Variants in CHRNB3 observed in about 807,000 individuals in gnomAD.
CHRNB3 encodes cholinergic receptor nicotinic beta 3 subunit, also known as neuronal acetylcholine receptor subunit beta-3.
A neutral mutation model predicts 40.6 loss-of-function variants in CHRNB3; 37 were observed. The observed-to-expected ratio is 0.91, with a 90% confidence interval of 0.70 to 1.20. CHRNB3 has a LOEUF of 1.20. Among genes scored for constraint, CHRNB3 ranks in the 50% most tolerant of loss-of-function variants. The pLI is 0.00. For synonymous variants in CHRNB3, 207 were observed against 207.1 expected (o/e 1.00, Z 0.00); for missense variants, 505 against 551.2 (o/e 0.92, Z 0.84).
chr8:42,733,978 C>T (rs1816473096), intron 5 of CHRNB3, among the ~76,000 whole-genome samples: 1 of 150,456 alleles, frequency 6.6e-6, no homozygotes, highest in Admixed American at 6.6e-5. Flanking sequence ...ATCTGTTGGG[C>T]CAGGCACGGT....
intron 3 of CHRNB3, among the ~76,000 whole-genome samples, chr8:42,729,690 C>T (rs1170410378): frequency 2.0e-5 from 3 of 152,114 alleles, no homozygotes; most frequent in Non-Finnish European, 4.4e-5. Context: ...TCATGCTGGG[C>T]ATGCCCTTCT....
chr8:42,735,775 C>T (rs1463487159), intron 5 of CHRNB3, among the ~76,000 whole-genome samples: 2 of 152,052 alleles, frequency 1.3e-5, no homozygotes, highest in African/African-American at 2.4e-5. Flanking sequence ...TTGTCCTGGT[C>T]GGTTCTTCTC....
intron 1 of CHRNB3, among the ~76,000 whole-genome samples, chr8:42,704,159 C>G (rs1166578853): frequency 2.0e-5 from 3 of 152,220 alleles, no homozygotes; most frequent in Non-Finnish European, 2.9e-5. Flanking sequence ...GGTGAGGGCT[C>G]TGTTCCTGGC....
At chr8:42,733,176 A>G (rs1206261962) in intron 5 of CHRNB3, among the ~76,000 whole-genome samples, 1 of 152,020 alleles carries the variant, frequency 6.6e-6, no homozygotes, top group Non-Finnish European at 1.5e-5. Flanking sequence ...CAAAAAATTT[A>G]AAAATTAACT....
chr8:42,715,095 T>A (rs1330235704), intron 3 of CHRNB3: 1 of 152,110 alleles, frequency 6.6e-6, no homozygotes, highest in Non-Finnish European at 1.5e-5. Flanking sequence ...CCCTGCTAGA[T>A]CCTGGATGTA....
chr8:42,714,565 A>G (rs966896668), intron 3 of CHRNB3, among the ~76,000 whole-genome samples: 1 of 152,044 alleles, frequency 6.6e-6, no homozygotes, highest in Non-Finnish European at 1.5e-5. Context: ...AAAAAAAACC[A>G]TGAAAAGAAA....
At chr8:42,717,403 A>AT in intron 3 of CHRNB3, among the ~76,000 whole-genome samples, 1 of 50,904 alleles carries the variant, frequency 2.0e-5, no homozygotes, top group African/African-American at 6.8e-5. Flanking sequence ...AAAAAAAAAA[A>AT]AAGCCGACCT....
chr8:42,703,435 A>AAAAAAAAAAAATATATATATATATAT, intron 1 of CHRNB3, among the ~76,000 whole-genome samples: 10 of 47,390 alleles, frequency 2.1e-4, no homozygotes, highest in Admixed American at 7.0e-4. Context: ...AAAAAAAAAA[A>AAAAAAAAAAAATATATATATATATAT]ATATTTATAT....
chr8:42,704,339 GTTAA>G, intron 1 of CHRNB3: 1 of 152,336 alleles, frequency 6.6e-6, no homozygotes, highest in African/African-American at 2.4e-5. Context: ...CATGCTTTTT[GTTAA>G]TTCAGACGGA....
At chr8:42,734,973 C>A (rs1816495856) in intron 5 of CHRNB3, among the ~76,000 whole-genome samples, 1 of 151,564 alleles carries the variant, frequency 6.6e-6, no homozygotes, top group African/African-American at 2.4e-5. Context: ...GTAATCCCAG[C>A]ACTTTGGGAG....
rs1173595305 is a variant in CHRNB3, at chr8:42,710,434, G to A, written c.249G>A (p.Gln83=). The A allele has an allele frequency of 1.9e-6, 3 of 1,607,574 alleles. No homozygotes were observed. The highest frequency in any genetic ancestry group is 1.7e-5 in the Admixed American group (1 of 58,766). ...QLMTTNVWLK[Q]EWTDHKLRWN... ...TGACAACCAATGTGTGGCTCAAACA[G>A]GTAAATTTCAATCCAAGGATTGTGT... The change falls in exon 3 of 6, where the codon CAG becomes CAA. Residue 83 remains glutamine, a splice_region_variant and synonymous_variant. Transcript: ENST00000289957.
At chr8:42,718,320 A>G (rs1816154723) in intron 3 of CHRNB3, among the ~76,000 whole-genome samples, 1 of 152,142 alleles carries the variant, frequency 6.6e-6, no homozygotes, top group East Asian at 1.9e-4. Context: ...AATCAAGACA[A>G]CAGCAAAGGA....
Position 42,731,737 on chromosome 8 carries a change from A to G in CHRNB3, c.430A>G (p.Thr144Ala), listed in dbSNP as rs1219243790. ...GAAATCAAACGGAACTGTTGTCTGG[A>G]CCCCTCCCGCCAGCTACAAAAGCTC... ...IVKSNGTVVW[T>A]PPASYKSSCT... The change falls in exon 5 of 6, where the codon ACC (threonine) becomes GCC (alanine). Residue 144 changes from threonine (T) to alanine (A), a missense_variant. Physicochemically the swap from Thr to Ala is moderately conservative, Grantham distance 58. Coordinates refer to ENST00000289957, the MANE Select transcript of CHRNB3 (RefSeq NM_000749.5). 2.5e-6 allele frequency: 4 copies of G among 1,613,680 alleles called. No individual in the cohort carries two copies. The Admixed American group carries it at 6.7e-5, about 27-fold the overall frequency.
chr8:42,700,123 C>T (rs1815760033), intron 1 of CHRNB3, among the ~76,000 whole-genome samples: 1 of 151,070 alleles, frequency 6.6e-6, no homozygotes, highest in Non-Finnish European at 1.5e-5. Flanking sequence ...ACGCCATTCT[C>T]CTACCTCAGC....
chr8:42,730,596 A>G lies in CHRNB3; in HGVS notation c.252A>G (p.Glu84=), dbSNP rs1455058758. The change falls in exon 4 of 6, where the codon GAA becomes GAG. Residue 84 remains glutamate (E), a splice_region_variant and synonymous_variant. Coordinates refer to ENST00000289957, the MANE Select transcript of CHRNB3 (RefSeq NM_000749.5). ...CACAGTGTACTAATTTCATGCAGGAATGGACAGACCACAAGTTACGCTGGA... is the reference window on the plus strand; with the variant it reads ...CACAGTGTACTAATTTCATGCAGGAGTGGACAGACCACAAGTTACGCTGGA... The part of the protein sequence containing the change: ...LMTTNVWLKQ[E]WTDHKLRWNP... 5.0e-6 allele frequency: 8 copies of G among 1,589,814 alleles called. No individual in the cohort carries two copies. Among genetic ancestry groups the G allele is most frequent in the Non-Finnish European group, 6.9e-6 (8 of 1,164,498 alleles).
At chr8:42,703,435 A>AAAAAAAAAAAATATATATATATAT in intron 1 of CHRNB3, among the ~76,000 whole-genome samples, 5 of 47,410 alleles carry the variant, frequency 1.1e-4, no homozygotes, top group African/African-American at 2.5e-4. Flanking sequence ...AAAAAAAAAA[A>AAAAAAAAAAAATATATATATATAT]ATATTTATAT....
intron 3 of CHRNB3, among the ~76,000 whole-genome samples, chr8:42,718,317 A>C (rs926965132): frequency 1.3e-5 from 2 of 152,132 alleles, no homozygotes; most frequent in African/African-American, 4.8e-5. Flanking sequence ...GCAAATCAAG[A>C]CAACAGCAAA....
intron 3 of CHRNB3, among the ~76,000 whole-genome samples, chr8:42,720,422 G>C (rs75763577): frequency 0.057 from 8,697 of 151,976 alleles, 328 homozygotes; most frequent in Middle Eastern, 0.11. Context: ...CCCTCAGACT[G>C]CTTCTTACCC....
At chr8:42,705,198 A>AT (rs918860858) in intron 1 of CHRNB3, among the ~76,000 whole-genome samples, 2 of 152,208 alleles carry the variant, frequency 1.3e-5, no homozygotes, top group Non-Finnish European at 2.9e-5. Context: ...GCCATAGGCC[A>AT]TTCCCAGATG....
Sources: allele counts gnomAD v4.1 joint callset (sites outside exome capture counted in the v4.1 genomes callset), GRCh38; gene constraint gnomAD v4.1.1; transcripts MANE v1.5; gene names NCBI Gene and HGNC (gene_info 2026-07-23, HGNC 2026-07-21).